CSNK1G1: variants seen among roughly 807,000 people sequenced by gnomAD.
CSNK1G1 encodes the protein casein kinase I isoform gamma-1.
CSNK1G1 carries 22 observed loss-of-function variants against 59.6 expected under a neutral mutation model. The ratio of observed to expected loss-of-function variants is 0.37; its 90% CI spans 0.26 to 0.53. The LOEUF is 0.53. Ranked by LOEUF, CSNK1G1 falls within the 20% of genes least tolerant of loss-of-function variation. CSNK1G1 has a pLI of 0.89. For missense variants in CSNK1G1, 384 were observed against 519.5 expected (o/e 0.74, Z 2.54); for synonymous variants, 179 against 177.1 (o/e 1.01, Z -0.08).
chr15:64,338,322 G>A (rs1188954919), intron 1 of CSNK1G1, among the ~76,000 whole-genome samples: 2 of 152,142 alleles, frequency 1.3e-5, no homozygotes, highest in Non-Finnish European at 2.9e-5. Flanking sequence ...TATTTAGTAT[G>A]ATAGCAAGAT....
intron 4 of CSNK1G1, among the ~76,000 whole-genome samples, chr15:64,238,938 C>CA (rs2140302075): frequency 6.6e-6 from 1 of 152,190 alleles, no homozygotes; most frequent in South Asian, 2.1e-4. Context: ...CAGGAGGACC[C>CA]AAAAGTCTTT....
At chr15:64,326,679 G>T (rs2140449579) in intron 1 of CSNK1G1, among the ~76,000 whole-genome samples, 1 of 151,954 alleles carries the variant, frequency 6.6e-6, no homozygotes, top group East Asian at 1.9e-4. Flanking sequence ...AGCCAAGATG[G>T]CCGAATAGGA....
At chr15:64,218,226 C>A (rs1400406134) in intron 4 of CSNK1G1, among the ~76,000 whole-genome samples, 1 of 152,178 alleles carries the variant, frequency 6.6e-6, no homozygotes, top group South Asian at 2.1e-4. Context: ...GCTGGGAATA[C>A]AGGCATGAGC....
intron 2 of CSNK1G1, among the ~76,000 whole-genome samples, chr15:64,294,517 A>G (rs772570534): frequency 1.3e-5 from 2 of 152,196 alleles, no homozygotes; most frequent in African/African-American, 2.4e-5. Context: ...ATTTTAAGCA[A>G]TAAGTGTATT....
At position 64,324,206 on chromosome 15, in the gene CSNK1G1, G is replaced by C. The variant is rs140889295; in HGVS notation, c.-224-23483C>G. The stretch of plus-strand genomic sequence containing the variant: ...CAAACCTATAAATACCGAAGCATAT[G>C]ATTGTCCTGTGCGATGGTTAATACT... On this transcript the variant is annotated intron_variant, in intron 1 of 11. Transcript: ENST00000303052. Among the ~76,000 whole-genome samples the C allele has an allele frequency of 4.7e-3, 715 of 152,220 alleles. 5 individuals are homozygous for C. The highest frequency in any genetic ancestry group is 0.016 in the African/African-American group (665 of 41,510).
At chr15:64,311,091 T>A (rs1895972621) in intron 1 of CSNK1G1, among the ~76,000 whole-genome samples, 2 of 151,584 alleles carry the variant, frequency 1.3e-5, no homozygotes, top group South Asian at 4.2e-4. Flanking sequence ...TCTCGCTCTG[T>A]CACCCAGGCT....
intron 10 of CSNK1G1, among the ~76,000 whole-genome samples, chr15:64,199,259 AAAAAAAAAAAAAAG>A (rs1269930458): frequency 6.7e-6 from 1 of 149,712 alleles, no homozygotes; most frequent in Non-Finnish European, 1.5e-5. Flanking sequence ...TCAAAAAAAA[AAAAAAAAAAAAAAG>A]AAAAAGAAAA....
chr15:64,185,446 T>C (rs981550479), intron 10 of CSNK1G1, among the ~76,000 whole-genome samples: 1 of 152,196 alleles, frequency 6.6e-6, no homozygotes, highest in Non-Finnish European at 1.5e-5. Flanking sequence ...AGGTAAATGG[T>C]GTAACTGCCT....
At chr15:64,195,098 G>C (rs1288804324) in intron 10 of CSNK1G1, 2 of 152,138 alleles carry the variant, frequency 1.3e-5, no homozygotes, top group East Asian at 3.8e-4. Context: ...AAATTACAAA[G>C]AATAAATTCT....
At chr15:64,303,016 T>C (rs868472974) in intron 1 of CSNK1G1, among the ~76,000 whole-genome samples, 10 of 152,138 alleles carry the variant, frequency 6.6e-5, no homozygotes, top group Admixed American at 1.3e-4. Flanking sequence ...GCCCTCATTA[T>C]CCATGTTTAC....
chr15:64,203,159 A>G lies in CSNK1G1; in HGVS notation c.1030T>C (p.Ser344Pro). ...PTPVGSVHVD[S>P]GASAITRESH... ...TCTCGAGTTATTGCAGATGCACCAGAATCTACGTGAACTGACCCTACTGGA... is the reference window on the plus strand; with the variant it reads ...TCTCGAGTTATTGCAGATGCACCAGGATCTACGTGAACTGACCCTACTGGA... Residue 344 changes from serine to proline, a missense_variant, in exon 10 of 12, where the codon TCT (serine) becomes CCT (proline). Coordinates refer to ENST00000303052, the MANE Select transcript of CSNK1G1 (RefSeq NM_022048.5). 1 of 1,613,986 alleles carries G rather than the reference A, an allele frequency of 6.2e-7. No homozygotes were observed. The highest frequency in any genetic ancestry group is 2.2e-5 in the East Asian group (1 of 44,884).
intron 2 of CSNK1G1, among the ~76,000 whole-genome samples, chr15:64,293,380 C>A (rs1254786743): frequency 1.3e-5 from 2 of 152,280 alleles, no homozygotes; most frequent in African/African-American, 2.4e-5. Context: ...CCTATGAACA[C>A]ATACACATTT....
At chr15:64,272,961 C>T (rs1399174720) in intron 2 of CSNK1G1, among the ~76,000 whole-genome samples, 1 of 152,184 alleles carries the variant, frequency 6.6e-6, no homozygotes, top group Non-Finnish European at 1.5e-5. Flanking sequence ...ACCTCGGCTT[C>T]CCAAAGTGCT....
At chr15:64,246,137 T>C (rs1033843799) in intron 4 of CSNK1G1, among the ~76,000 whole-genome samples, 6 of 152,126 alleles carry the variant, frequency 3.9e-5, no homozygotes, top group African/African-American at 1.4e-4. Context: ...AGGTAATGAG[T>C]AGCTTAACCA....
intron 4 of CSNK1G1, among the ~76,000 whole-genome samples, chr15:64,220,284 G>A (rs924889685): frequency 2.6e-5 from 4 of 151,318 alleles, no homozygotes; most frequent in East Asian, 2.0e-4. Flanking sequence ...TAGTAAAGAC[G>A]AAGCTTCATC....
At chr15:64,344,444 T>C (rs1897836400) in intron 1 of CSNK1G1, among the ~76,000 whole-genome samples, 1 of 152,212 alleles carries the variant, frequency 6.6e-6, no homozygotes, top group African/African-American at 2.4e-5. Context: ...TAAGATTCAT[T>C]TTAATGCAGC....
chr15:64,228,917 C>G (rs774136017), intron 4 of CSNK1G1, among the ~76,000 whole-genome samples: 1 of 148,662 alleles, frequency 6.7e-6, no homozygotes, highest in Non-Finnish European at 1.5e-5. Context: ...ACTTGGGAGG[C>G]TGAGACAAGA....
At chr15:64,354,980 G>T (rs556974677) in intron 1 of CSNK1G1, among the ~76,000 whole-genome samples, 1 of 152,278 alleles carries the variant, frequency 6.6e-6, no homozygotes, top group African/African-American at 2.4e-5. Context: ...TCACATATCT[G>T]TTCTGAGACA....
intron 4 of CSNK1G1, among the ~76,000 whole-genome samples, chr15:64,244,125 C>T (rs1004771482): frequency 2.0e-5 from 3 of 151,844 alleles, no homozygotes; most frequent in Non-Finnish European, 2.9e-5. Context: ...GCCGAGATCA[C>T]GCCACTGCAC....
Sources: gnomAD v4.1 joint callset for allele counts (sites outside exome capture counted in the v4.1 genomes callset) on GRCh38, gnomAD v4.1.1 for gene constraint, MANE v1.5 for transcripts, NCBI Gene and HGNC (gene_info 2026-07-23, HGNC 2026-07-21) for gene names.